Variants in CAPN5 observed in about 807,000 individuals in gnomAD.
The protein encoded by CAPN5 is calpain-5.
Under a neutral mutation model 73.0 loss-of-function variants are expected in CAPN5, and 54 were observed. The ratio of observed to expected loss-of-function variants is 0.74; its 90% CI spans 0.59 to 0.93. CAPN5 has a LOEUF of 0.93. Among genes scored for constraint, CAPN5 ranks in the 40% least tolerant of loss-of-function variants. The pLI is 0.00. For synonymous variants in CAPN5, 335 were observed against 356.9 expected, an observed-to-expected ratio of 0.94 and a Z score of 0.69; for missense variants, 785 against 882.9, an observed-to-expected ratio of 0.89 and a Z score of 1.41.
At chr11:77,086,721 C>G (rs1591118826) in intron 2 of CAPN5, among the ~76,000 whole-genome samples, 1 of 152,248 alleles carries the variant, frequency 6.6e-6, no homozygotes, top group South Asian at 2.1e-4. Flanking sequence ...CCCACTCCAT[C>G]CCCTGGCTAC....
At chr11:77,101,603 C>T (rs1950285147) in intron 3 of CAPN5, among the ~76,000 whole-genome samples, 1 of 152,180 alleles carries the variant, frequency 6.6e-6, no homozygotes, top group Non-Finnish European at 1.5e-5. Flanking sequence ...CCCAGGATCC[C>T]ACTGATTGAT....
intron 3 of CAPN5, among the ~76,000 whole-genome samples, chr11:77,105,041 G>C (rs141533359): frequency 6.6e-4 from 100 of 152,068 alleles, no homozygotes; most frequent in African/African-American, 2.3e-3. Context: ...GAGCACGAGG[G>C]GAGGCCAGAA....
Position 77,085,047 on chromosome 11 carries a change from CCAA to C in CAPN5, c.162_164del (p.Lys55del). On this transcript the variant is annotated inframe_deletion and splice_region_variant, in exon 2 of 13. Coordinates refer to ENST00000648180, the MANE Select transcript of CAPN5 (RefSeq NM_004055.5). ...GGGCCCGCCGTCAGGTGGAAGCGAC[CCAA>C]GGTCAGTGTCTGGTCCCAGCTGGAG... 6.2e-7 allele frequency: 1 copy of C among 1,613,062 alleles called. No individual in the cohort carries two copies. The highest frequency in any genetic ancestry group is 1.1e-5 in the South Asian group (1 of 91,074).
At chr11:77,102,227 A>G (rs1287749414) in intron 3 of CAPN5, among the ~76,000 whole-genome samples, 1 of 152,144 alleles carries the variant, frequency 6.6e-6, no homozygotes, top group African/African-American at 2.4e-5. Flanking sequence ...GATCCTGTCA[A>G]TGGGACTGGA....
intron 2 of CAPN5, among the ~76,000 whole-genome samples, chr11:77,093,170 C>T (rs1950167628): frequency 6.6e-6 from 1 of 152,184 alleles, no homozygotes; most frequent in Admixed American, 6.5e-5. Flanking sequence ...CATGCGGGGC[C>T]TGGCCCACCG....
chr11:77,116,332 G>A, intron 7 of CAPN5, 29 bp downstream of exon 7: 1 of 1,579,582 alleles, frequency 6.3e-7, no homozygotes, highest in South Asian at 1.1e-5. Flanking sequence ...TGGGCGTCCG[G>A]GGCTGAGGGG....
At chr11:77,074,508 C>A (rs911889291) in intron 1 of CAPN5, among the ~76,000 whole-genome samples, 1 of 152,230 alleles carries the variant, frequency 6.6e-6, no homozygotes, top group East Asian at 1.9e-4. Context: ...CCCCAGCCCC[C>A]TCCTCATCAG....
intron 9 of CAPN5, 115 bp from the exon 10 acceptor site, chr11:77,120,598 C>T: frequency 1.5e-6 from 1 of 686,694 alleles, no homozygotes; most frequent in Non-Finnish European, 2.5e-6. Context: ...CTGTTCCGGA[C>T]ATTTCATATA....
intron 1 of CAPN5, among the ~76,000 whole-genome samples, chr11:77,073,523 C>T (rs564267119): frequency 6.6e-6 from 1 of 152,300 alleles, no homozygotes; most frequent in African/African-American, 2.4e-5. Flanking sequence ...GCCAGGCCTG[C>T]AGGCCAGCAC....
chr11:77,075,726 T>A (rs782012061), intron 1 of CAPN5, among the ~76,000 whole-genome samples: 2 of 152,076 alleles, frequency 1.3e-5, no homozygotes, highest in Non-Finnish European at 2.9e-5. Flanking sequence ...TACAGACAGG[T>A]GCATAGGTCT....
intron 11 of CAPN5, 45 bp from the exon 12 acceptor site, chr11:77,122,531 G>GCC: frequency 2.4e-6 from 3 of 1,228,402 alleles, no homozygotes; most frequent in Admixed American, 2.1e-5. Flanking sequence ...CCCTGCCACA[G>GCC]CCCCCACCCC....
intron 8 of CAPN5, 68 bp from the exon 9 acceptor site, chr11:77,118,962 A>G: frequency 6.5e-7 from 1 of 1,544,364 alleles, no homozygotes; most frequent in Non-Finnish European, 8.8e-7. Flanking sequence ...AGCTTCCGGG[A>G]GCCAGCCAGC....
intron 11 of CAPN5, 38 bp from the exon 12 acceptor site, chr11:77,122,514 TCTGTGGCCCTGCCACAGCCCCCAC>T: frequency 7.3e-7 from 1 of 1,369,676 alleles, no homozygotes. Context: ...CCTGTAGATA[TCTGTGGCCCTGCCACAGCCCCCAC>T]CCCCACCCTC....
At chr11:77,112,930 T>C in intron 4 of CAPN5, 133 bp downstream of exon 4, 1 of 838,952 alleles carries the variant, frequency 1.2e-6, no homozygotes. Context: ...CGCAGCAGGC[T>C]CAACCGCCAG....
In CAPN5 at chr11:77,124,046, C is replaced by T. The variant is rs920323373; in HGVS notation, c.*176C>T. On this transcript the variant is annotated 3_prime_UTR_variant, in exon 13 of 13. Transcript: ENST00000648180. ...CTCAGCCTCAGTGTCCCGAGGGCCCCGAAGCATTCCATTCTCGTGGAGGAG... is the reference window on the plus strand; with the variant it reads ...CTCAGCCTCAGTGTCCCGAGGGCCCTGAAGCATTCCATTCTCGTGGAGGAG... The T allele has an allele frequency of 1.8e-5, 11 of 618,088 alleles. No individual in the cohort carries two copies. Among genetic ancestry groups the T allele is most frequent in the East Asian group, 8.4e-5 (3 of 35,806 alleles). 38.3% of individuals were successfully genotyped at this position (618,088 alleles called of 1,614,324 possible).
At chr11:77,067,867 G>A (rs529176163) in intron 1 of CAPN5, among the ~76,000 whole-genome samples, 9 of 152,192 alleles carry the variant, frequency 5.9e-5, no homozygotes, top group Non-Finnish European at 1.2e-4. Flanking sequence ...TCACCCCCAA[G>A]TTCCATACAG....
intron 7 of CAPN5, 37 bp from the exon 8 acceptor site, chr11:77,118,120 G>A (rs372218943): frequency 7.4e-5 from 116 of 1,571,414 alleles, no homozygotes; most frequent in African/African-American, 4.3e-4. Context: ...GGGGAGGTGT[G>A]GGGGAGGTAC....
chr11:77,097,464 GTTTTTTTTTT>G (rs58077755), intron 3 of CAPN5, among the ~76,000 whole-genome samples: 4 of 79,728 alleles, frequency 5.0e-5, no homozygotes, highest in African/African-American at 4.8e-5. Context: ...TTTCCTTCTA[GTTTTTTTTTT>G]TTTTTTTTTT....
chr11:77,103,346 T>C (rs782071060), intron 3 of CAPN5: 1 of 1,600,468 alleles, frequency 6.2e-7, no homozygotes, highest in South Asian at 1.1e-5. Flanking sequence ...AGCTGCCAGC[T>C]GCTGCTCTCC....
Sources: gnomAD v4.1 joint callset for allele counts (sites outside exome capture counted in the v4.1 genomes callset) on GRCh38, gnomAD v4.1.1 for gene constraint, MANE v1.5 for transcripts, NCBI Gene and HGNC (gene_info 2026-07-23, HGNC 2026-07-21) for gene names.